The following BCAT1 variants were observed in gnomAD, a reference collection of about 807,000 sequenced individuals.
BCAT1 encodes branched-chain-amino-acid aminotransferase, cytosolic.
Under a neutral mutation model 52.4 loss-of-function variants are expected in BCAT1, and 48 were observed. That is an observed-to-expected ratio of 0.92 (90% confidence interval 0.73 to 1.16). The LOEUF is 1.16. Among genes scored for constraint, BCAT1 ranks in the 50% most tolerant of loss-of-function variants. The pLI is 0.00. For synonymous variants in BCAT1, 167 were observed against 161.3 expected, an observed-to-expected ratio of 1.04 and a Z score of -0.27; for missense variants, 451 against 457.1, an observed-to-expected ratio of 0.99 and a Z score of 0.12.
At position 24,816,833 on chromosome 12, in the gene BCAT1, C is replaced by G. The variant is rs1939893040; in HGVS notation, c.*1175G>C. On this transcript the variant is annotated 3_prime_UTR_variant, in exon 11 of 11. Coordinates refer to ENST00000261192, the MANE Select transcript of BCAT1 (RefSeq NM_005504.7). ...TTAGATTCTCATAAGGAGCGCATAGCCTAGATCCCTTGCATGCAGAGTTCA... is the reference window on the plus strand; with the variant it reads ...TTAGATTCTCATAAGGAGCGCATAGGCTAGATCCCTTGCATGCAGAGTTCA... 2.9e-6 allele frequency: 1 copy of G among 349,912 alleles called. No individual in the cohort carries two copies. Among genetic ancestry groups the G allele is most frequent in the Non-Finnish European group, 5.1e-6 (1 of 194,978 alleles). 21.7% of individuals were successfully genotyped at this position (349,912 alleles called of 1,614,324 possible).
chr12:24,897,456 T>C (rs2065062692), intron 2 of BCAT1, among the ~76,000 whole-genome samples: 1 of 152,264 alleles, frequency 6.6e-6, no homozygotes, highest in Admixed American at 6.5e-5. Flanking sequence ...AGTAAACTGC[T>C]ACATTCTTTC....
Position 24,878,595 on chromosome 12 carries a change from G to C in BCAT1, c.445C>G (p.Gln149Glu). Residue 149 changes from glutamine (Q) to glutamate (E), a missense_variant, in exon 5 of 11, where the codon CAA becomes GAA. Physicochemically the swap from Gln to Glu is conservative, Grantham distance 29. Transcript: ENST00000261192. ...GATGTTGAATATGGGACCCATTCTT[G>C]ATCCAATTTCACAAGCTGTTGAATA... The part of the protein sequence containing the change: ...ECIQQLVKLD[Q>E]EWVPYSTSAS... 6.2e-7 allele frequency: 1 copy of C among 1,610,196 alleles called. No homozygotes were observed. Among genetic ancestry groups the C allele is most frequent in the South Asian group, 1.1e-5 (1 of 90,970 alleles).
chr12:24,830,004 T>C (rs1940584501), intron 9 of BCAT1, 107 bp from the exon 10 acceptor site: 1 of 745,616 alleles, frequency 1.3e-6, no homozygotes, highest in South Asian at 2.2e-5. Flanking sequence ...CCACTGAAGT[T>C]AAGGAATAGC....
Position 24,888,994 on chromosome 12 carries a change from T to TG in BCAT1, c.279+5280dup, listed in dbSNP as rs916874334. 3.0e-4 allele frequency among the ~76,000 whole-genome samples: 45 copies of TG among 152,210 alleles called. No homozygotes were observed. In the South Asian group the frequency reaches 6.2e-3, roughly 21 times the overall value. ...GTCCATTTGCATAAAAGGATTAGGGTGGGGCAACCAGACTTCCCGGTGTGC... is the reference window on the plus strand; with the variant it reads ...GTCCATTTGCATAAAAGGATTAGGGTGGGGGCAACCAGACTTCCCGGTGTGC... On this transcript the variant is annotated intron_variant, in intron 3 of 10. Coordinates refer to ENST00000261192, the MANE Select transcript of BCAT1 (RefSeq NM_005504.7).
At chr12:24,911,673 A>G (rs1943329390) in intron 1 of BCAT1, among the ~76,000 whole-genome samples, 1 of 152,140 alleles carries the variant, frequency 6.6e-6, no homozygotes, top group Admixed American at 6.5e-5. Flanking sequence ...GGGCTCCTGC[A>G]CTTGCTGAAT....
chr12:24,824,272 C>T (rs138865308), intron 10 of BCAT1, among the ~76,000 whole-genome samples: 8,102 of 124,526 alleles, frequency 0.065, 650 homozygotes, highest in East Asian at 0.13. Context: ...CCTTCATTCC[C>T]TCCCTCCCTC....
At chr12:24,881,538 G>C in intron 3 of BCAT1, 127 bp from the exon 4 acceptor site, 2 of 611,144 alleles carry the variant, frequency 3.3e-6, no homozygotes, top group Non-Finnish European at 5.8e-6. Context: ...ACCTCAACTT[G>C]AGATCATTAA....
chr12:24,845,219 CA>C (rs567739313), intron 6 of BCAT1, among the ~76,000 whole-genome samples: 291 of 109,718 alleles, frequency 2.7e-3, no homozygotes, highest in Middle Eastern at 4.6e-3. Flanking sequence ...CCCCTCCCAG[CA>C]AAAAAAAAAA....
intron 5 of BCAT1, among the ~76,000 whole-genome samples, chr12:24,869,483 C>T (rs766056355): frequency 3.3e-5 from 5 of 152,106 alleles, no homozygotes; most frequent in Non-Finnish European, 5.9e-5. Context: ...AAATTGTCTG[C>T]GAGCCTAATT....
intron 3 of BCAT1, among the ~76,000 whole-genome samples, chr12:24,887,071 A>AAAT (rs1942689428): frequency 5.0e-5 from 5 of 99,406 alleles, no homozygotes; most frequent in African/African-American, 2.0e-4. Context: ...TAAAAAAAAA[A>AAAT]AAAAAAAAAA....
At chr12:24,936,712 A>ATCTCTCTCTCTCTCTC (rs112458468) in intron 1 of BCAT1, among the ~76,000 whole-genome samples, 49 of 112,068 alleles carry the variant, frequency 4.4e-4, no homozygotes, top group African/African-American at 1.1e-3. Context: ...TTAAATCTCA[A>ATCTCTCTCTCTCTCTC]TCTCTCTCTC....
chr12:24,884,814 A>G (rs1048097704), intron 3 of BCAT1, among the ~76,000 whole-genome samples: 3 of 152,216 alleles, frequency 2.0e-5, no homozygotes, highest in Non-Finnish European at 4.4e-5. Context: ...GATTCATTAT[A>G]TTCACAGTTT....
intron 1 of BCAT1, among the ~76,000 whole-genome samples, chr12:24,917,059 A>C (rs1943422447): frequency 6.6e-6 from 1 of 152,214 alleles, no homozygotes; most frequent in African/African-American, 2.4e-5. Context: ...AAAAAAAATC[A>C]GTAATGTTTC....
In BCAT1 at chr12:24,824,211, C is replaced by A. The variant is rs1004257928; in HGVS notation, c.1119+5612G>T. On this transcript the variant is annotated intron_variant, in intron 10 of 10. Transcript: ENST00000261192. The stretch of plus-strand genomic sequence containing the variant: ...TTCCTTTTCTATTAATCCTTTACAG[C>A]CAAATCAAATGAGTTTACATTTCCT... 6.1e-5 allele frequency among the ~76,000 whole-genome samples: 9 copies of A among 147,370 alleles called. No homozygotes were observed. The East Asian group carries it at 1.4e-3, about 22-fold the overall frequency.
At chr12:24,902,193 A>G (rs1011890087) in intron 1 of BCAT1, 5 of 1,433,482 alleles carry the variant, frequency 3.5e-6, no homozygotes, top group Non-Finnish European at 4.5e-6. Context: ...AGAACAAAAA[A>G]ACAATTGTCT....
intron 1 of BCAT1, among the ~76,000 whole-genome samples, chr12:24,930,278 C>T (rs1054575172): frequency 1.3e-5 from 2 of 152,242 alleles, no homozygotes; most frequent in East Asian, 3.8e-4. Context: ...TGGCATTATT[C>T]CCTACACAGC....
chr12:24,836,854 A>G (rs1408174110), intron 7 of BCAT1, among the ~76,000 whole-genome samples: 2 of 133,842 alleles, frequency 1.5e-5, no homozygotes, highest in African/African-American at 5.6e-5. Flanking sequence ...GAGAGAAAGA[A>G]AGGAAGGAAG....
chr12:24,917,195 CTTTTTTTT>C (rs60491814), intron 1 of BCAT1, among the ~76,000 whole-genome samples: 2 of 103,554 alleles, frequency 1.9e-5, no homozygotes, highest in Non-Finnish European at 1.8e-5. Context: ...GAGCTTTGGA[CTTTTTTTT>C]TTTTTTTTTT....
intron 2 of BCAT1, among the ~76,000 whole-genome samples, chr12:24,898,251 A>G (rs769279386): frequency 2.6e-5 from 4 of 152,208 alleles, no homozygotes; most frequent in African/African-American, 4.8e-5. Context: ...TGCATAATTA[A>G]TCTGTCTCTT....
Sources: gnomAD v4.1 joint callset for allele counts (sites outside exome capture counted in the v4.1 genomes callset) on GRCh38, gnomAD v4.1.1 for gene constraint, MANE v1.5 for transcripts, NCBI Gene and HGNC (gene_info 2026-07-23, HGNC 2026-07-21) for gene names.